HEPH: variants seen among roughly 807,000 people sequenced by gnomAD.
HEPH encodes the protein hephaestin.
In HEPH, 69 loss-of-function variants were observed where a neutral mutation model predicts 80.8. That is an observed-to-expected ratio of 0.85 (90% confidence interval 0.70 to 1.04). The LOEUF (loss-of-function observed/expected upper bound fraction) is 1.04. Among genes scored for constraint, HEPH ranks in the 50% least tolerant of loss-of-function variants. The pLI, the probability that HEPH is intolerant of heterozygous loss-of-function variation, is 0.00. For missense variants in HEPH, 1,115 were observed against 891.3 expected (o/e 1.25, Z -3.20); for synonymous variants, 431 against 322.8 (o/e 1.34, Z -3.60).
chrX:66,239,136 A>G (rs1191136211), intron 15 of HEPH, among the ~76,000 whole-genome samples: 1 of 112,154 alleles, frequency 8.9e-6, no homozygotes, highest in Non-Finnish European at 1.9e-5. Context: ...GTTTATGGCC[A>G]GATTTTTGGG....
intron 15 of HEPH, among the ~76,000 whole-genome samples, chrX:66,223,822 C>T (rs2089759439): frequency 8.9e-6 from 1 of 111,881 alleles, no homozygotes; most frequent in African/African-American, 3.2e-5. Context: ...GTTCCTTATA[C>T]ACCTTGCACA....
In HEPH at chrX:66,188,556, G is replaced by A; in HGVS notation, c.808+15G>A. ...TAGGATGCATGGTGAGTTGGGAAAAGGTGGCCACATTGTGACAGGGAACAT... is the reference window on the plus strand; with the variant it reads ...TAGGATGCATGGTGAGTTGGGAAAAAGTGGCCACATTGTGACAGGGAACAT... On this transcript the variant is annotated intron_variant, in intron 5 of 20. Coordinates refer to ENST00000343002, the MANE Select transcript of HEPH (RefSeq NM_001367233.3). 3 of 1,189,122 alleles carry A rather than the reference G, an allele frequency of 2.5e-6. No individual in the cohort carries two copies. Among genetic ancestry groups the A allele is most frequent in the Non-Finnish European group, 3.4e-6 (3 of 879,007 alleles).
rs142507135 is a variant in HEPH at position 66,252,450 on chromosome X, C to G, written c.2564-2585C>G. On this transcript the variant is annotated intron_variant, in intron 15 of 20. Transcript: ENST00000343002. ...AGGTGAGCATGTAGTTAGGTTCGAC[C>G]AGTATATATTTTGCAGAACCAGAAA... 1.8e-3 allele frequency among the ~76,000 whole-genome samples: 202 copies of G among 110,824 alleles called. 1 individual carries two copies. Among genetic ancestry groups the G allele is most frequent in the African/African-American group, 6.4e-3 (194 of 30,542 alleles).
intron 4 of HEPH, among the ~76,000 whole-genome samples, chrX:66,178,723 T>G (rs1405828967): frequency 1.8e-5 from 2 of 112,377 alleles, no homozygotes; most frequent in Non-Finnish European, 3.8e-5. Flanking sequence ...TCATGTGTCT[T>G]TTGGCTGCAT....
intron 15 of HEPH, among the ~76,000 whole-genome samples, chrX:66,251,668 G>A (rs896839973): frequency 1.8e-5 from 2 of 111,527 alleles, no homozygotes; most frequent in African/African-American, 6.5e-5. Flanking sequence ...ATATTTGAAT[G>A]TAGCATAGAA....
intron 15 of HEPH, among the ~76,000 whole-genome samples, chrX:66,250,264 G>A (rs775146485): frequency 9.0e-6 from 1 of 110,988 alleles, no homozygotes; most frequent in African/African-American, 3.3e-5. Flanking sequence ...TTGTATGAGT[G>A]AAAAAAAATT....
At chrX:66,176,449 T>G (rs1356581578) in intron 4 of HEPH, among the ~76,000 whole-genome samples, 1 of 111,583 alleles carries the variant, frequency 9.0e-6, no homozygotes, top group Non-Finnish European at 1.9e-5. Flanking sequence ...TTGCTAAGGA[T>G]TTTAGGACCT....
chrX:66,258,404 C>G (rs2091250400), intron 17 of HEPH, among the ~76,000 whole-genome samples: 1 of 111,328 alleles, frequency 9.0e-6, no homozygotes, highest in Non-Finnish European at 1.9e-5. Flanking sequence ...AGTAGGGAAT[C>G]TTAGAAACAC....
chrX:66,208,865 A>G (rs1383135667), intron 15 of HEPH, among the ~76,000 whole-genome samples: 1 of 107,297 alleles, frequency 9.3e-6, no homozygotes, highest in Non-Finnish European at 1.9e-5. Flanking sequence ...GAGTGATGTG[A>G]CCTAGGCCAC....
intron 4 of HEPH, among the ~76,000 whole-genome samples, chrX:66,174,342 A>G (rs1257174245): frequency 8.9e-6 from 1 of 111,865 alleles, no homozygotes; most frequent in African/African-American, 3.3e-5. Flanking sequence ...CCGTTAATTC[A>G]TTCCTTTTTA....
chrX:66,191,475 AAAT>A (rs1392772003), intron 6 of HEPH, among the ~76,000 whole-genome samples: 1 of 112,249 alleles, frequency 8.9e-6, no homozygotes, highest in Non-Finnish European at 1.9e-5. Context: ...GATGCTAATA[AAAT>A]AATATAGCTG....
intron 16 of HEPH, 118 bp from the exon 17 acceptor site, chrX:66,255,984 TATC>T (rs2091166009): frequency 4.3e-6 from 2 of 467,307 alleles, no homozygotes; most frequent in Non-Finnish European, 3.7e-6. Context: ...AAATGTAAGA[TATC>T]ATGAGGAAAT....
chrX:66,246,619 C>T (rs1184571882), intron 15 of HEPH, among the ~76,000 whole-genome samples: 2 of 111,260 alleles, frequency 1.8e-5, no homozygotes, highest in African/African-American at 6.5e-5. Context: ...GGTGATTCTG[C>T]TGTTCCCAGT....
intron 10 of HEPH, among the ~76,000 whole-genome samples, chrX:66,198,410 A>G (rs1238180617): frequency 2.7e-5 from 3 of 112,206 alleles, no homozygotes; most frequent in Non-Finnish European, 5.6e-5. Flanking sequence ...ATTAATTAAA[A>G]TAACCCATAT....
At chrX:66,184,122 C>G (rs1284488578) in intron 4 of HEPH, among the ~76,000 whole-genome samples, 1 of 28,268 alleles carries the variant, frequency 3.5e-5, no homozygotes, top group Non-Finnish European at 4.9e-5. Context: ...TTACTTCCAA[C>G]TATGTGGTCA....
At chrX:66,163,861 G>A (rs2086258699), upstream of HEPH, among the ~76,000 whole-genome samples, 1 of 112,070 alleles carries the variant, frequency 8.9e-6, no homozygotes, top group Admixed American at 9.4e-5. Context: ...GGTTAACATA[G>A]GGCTTAGAAT....
intron 15 of HEPH, among the ~76,000 whole-genome samples, chrX:66,213,123 C>T (rs62613170): frequency 0.022 from 2,390 of 108,688 alleles, 22 homozygotes; most frequent in Non-Finnish European, 0.03. Context: ...CATGCTGGTG[C>T]GCTGTACCCA....
chrX:66,222,762 T>A (rs642933), intron 15 of HEPH, among the ~76,000 whole-genome samples: 73 of 111,666 alleles, frequency 6.5e-4, no homozygotes, highest in African/African-American at 2.2e-3. Flanking sequence ...GGGACAGAGG[T>A]ACTTTTCTGA....
intron 15 of HEPH, among the ~76,000 whole-genome samples, chrX:66,241,082 C>T (rs1213240473): frequency 1.8e-5 from 2 of 111,881 alleles, no homozygotes; most frequent in African/African-American, 6.5e-5. Context: ...TACCACCACA[C>T]CTGTCTCACA....
Sources: allele counts gnomAD v4.1 joint callset (sites outside exome capture counted in the v4.1 genomes callset), GRCh38; gene constraint gnomAD v4.1.1; transcripts MANE v1.5; gene names NCBI Gene and HGNC (gene_info 2026-07-23, HGNC 2026-07-21).